Variants in DDR2 observed in about 807,000 individuals in gnomAD.
The protein encoded by DDR2 is discoidin domain receptor tyrosine kinase 2, also known as discoidin domain-containing receptor 2.
A neutral mutation model predicts 94.9 loss-of-function variants in DDR2; 27 were observed. The observed-to-expected ratio is 0.28, with a 90% CI of 0.21 to 0.39. The LOEUF is 0.39. Ranked by LOEUF, DDR2 falls within the 10% of genes least tolerant of loss-of-function variation. The probability of loss-of-function intolerance (pLI) is 1.00; values close to 1 mark genes in which losing one functional copy is unlikely to be tolerated. For missense variants in DDR2, 783 were observed against 1,076.0 expected (o/e 0.73, Z 3.81); for synonymous variants, 382 against 377.2 (o/e 1.01, Z -0.15).
intron 7 of DDR2, 24 bp from the exon 8 acceptor site, chr1:162,759,772 C>G (rs777680640): frequency 6.8e-6 from 11 of 1,613,068 alleles, no homozygotes; most frequent in African/African-American, 1.3e-5. Flanking sequence ...TCTCCTTTTC[C>G]TCCTCTTCTC....
In DDR2 at chr1:162,761,374, A is replaced by G; in HGVS notation, c.1019A>G (p.His340Arg). The G allele has an allele frequency of 6.2e-7, 1 of 1,614,202 alleles. No individual in the cohort carries two copies. Among genetic ancestry groups the G allele is most frequent in the Non-Finnish European group, 8.5e-7 (1 of 1,180,026 alleles). Residue 340 changes from histidine (H) to arginine (R), a missense_variant, in exon 9 of 18, where the codon CAC becomes CGC. Coordinates refer to ENST00000367921, the MANE Select transcript of DDR2 (RefSeq NM_006182.4). The stretch of plus-strand genomic sequence containing the variant: ...CGGTTTGTCACGGTGCCTCTCCACC[A>G]CCGAATGGCCAGTGCCATCAAGTGT... ...SARFVTVPLH[H>R]RMASAIKCQY... is the part of the protein sequence containing the mutation.
At chr1:162,677,161 C>T (rs1659170514) in intron 2 of DDR2, among the ~76,000 whole-genome samples, 1 of 152,088 alleles carries the variant, frequency 6.6e-6, no homozygotes, top group African/African-American at 2.4e-5. Context: ...TACTTGAGAT[C>T]CAAGCCCATG....
chr1:162,747,458 T>TTA (rs1553251006), intron 3 of DDR2, among the ~76,000 whole-genome samples: 2 of 150,598 alleles, frequency 1.3e-5, no homozygotes, highest in Non-Finnish European at 3.0e-5. Context: ...GAAAAAAGAG[T>TTA]AAAAAAAAAT....
At chr1:162,770,621 A>C (rs1414425866) in intron 12 of DDR2, 109 bp downstream of exon 12, 1 of 1,091,130 alleles carries the variant, frequency 9.2e-7, no homozygotes, top group Non-Finnish European at 1.4e-6. Context: ...GTCTCTGCTA[A>C]CCTCCTGAGA....
In DDR2 at chr1:162,781,007, G is replaced by A. The variant is rs939828295; in HGVS notation, c.*761G>A. On this transcript the variant is annotated 3_prime_UTR_variant, in exon 18 of 18. Transcript: ENST00000367921. Reference sequence around the variant, plus strand: ...ATGGAAGGATTCATGAATAGATAATGGACATAGGAAAGGAGGTCAATGGAG... The same window carrying A: ...ATGGAAGGATTCATGAATAGATAATAGACATAGGAAAGGAGGTCAATGGAG... The A allele has an allele frequency of 1.3e-5, 2 of 152,054 alleles. No individual in the cohort carries two copies. Among genetic ancestry groups the A allele is most frequent in the South Asian group, 4.1e-4 (2 of 4,824 alleles). 9.4% of individuals were successfully genotyped at this position (152,054 alleles called of 1,614,324 possible). A position where few individuals can be genotyped will look rare whatever the true frequency, so the allele number is the denominator to read the frequency against.
At chr1:162,644,079 A>AC (rs1283558174) in intron 1 of DDR2, among the ~76,000 whole-genome samples, 28 of 152,196 alleles carry the variant, frequency 1.8e-4, no homozygotes, top group Admixed American at 1.8e-3. Flanking sequence ...TAGTAGGGAC[A>AC]CCTCCAGTTC....
In DDR2 at chr1:162,770,816, C is replaced by T. The variant is rs1664233461; in HGVS notation, c.1504+304C>T. 25 of 420,518 alleles carry T rather than the reference C, an allele frequency of 5.9e-5. 1 individual carries two copies. Among genetic ancestry groups the T allele is most frequent in the South Asian group, 5.3e-4 (25 of 47,038 alleles). 26.0% of individuals were successfully genotyped at this position (420,518 alleles called of 1,614,324 possible). A position where few individuals can be genotyped will look rare whatever the true frequency, so the allele number is the denominator to read the frequency against. On this transcript the variant is annotated intron_variant, in intron 12 of 17. Coordinates refer to ENST00000367921, the MANE Select transcript of DDR2 (RefSeq NM_006182.4). ...ACCTAAACAGTCCAACCAGTCTAAC[C>T]TCATTTTACATGTCGGGAAAGTGAG...
rs1039650727 is a variant in DDR2, at chr1:162,778,479, C to T, written c.2284-101C>T. ...TCTTGGCATTTTCAGAATTCCTTGC[C>T]TGTGGTGGGGGAAGGGGTATAGCTG... On this transcript the variant is annotated intron_variant, in intron 16 of 17. Transcript: ENST00000367921. 3 of 1,434,654 alleles carry T rather than the reference C, an allele frequency of 2.1e-6. No individual in the cohort carries two copies. The African/African-American group carries it at 4.2e-5, about 20-fold the overall frequency. 88.9% of individuals were successfully genotyped at this position (1,434,654 alleles called of 1,614,324 possible). A position where few individuals can be genotyped will look rare whatever the true frequency, so the allele number is the denominator to read the frequency against.
chr1:162,648,265 T>A (rs1028778853), intron 1 of DDR2, among the ~76,000 whole-genome samples: 3 of 151,940 alleles, frequency 2.0e-5, no homozygotes, highest in Non-Finnish European at 2.9e-5. Context: ...ATGCTGCAAA[T>A]TGAATAAGAA....
At chr1:162,690,226 C>T (rs1165649577) in intron 2 of DDR2, among the ~76,000 whole-genome samples, 1 of 152,046 alleles carries the variant, frequency 6.6e-6, no homozygotes, top group Non-Finnish European at 1.5e-5. Context: ...ATGAGGTTCA[C>T]GAATATTACA....
intron 2 of DDR2, among the ~76,000 whole-genome samples, chr1:162,691,655 G>A (rs1455322757): frequency 6.6e-6 from 1 of 152,162 alleles, no homozygotes; most frequent in East Asian, 1.9e-4. Context: ...TGTACCTTTT[G>A]CTGATTTCCA....
intron 2 of DDR2, among the ~76,000 whole-genome samples, chr1:162,676,685 T>C (rs1484426721): frequency 1.3e-5 from 2 of 152,206 alleles, no homozygotes; most frequent in Non-Finnish European, 2.9e-5. Context: ...GCCAAATACT[T>C]TGGGGGAGCC....
intron 8 of DDR2, among the ~76,000 whole-genome samples, chr1:162,760,971 A>T (rs1300437331): frequency 6.7e-6 from 1 of 150,280 alleles, no homozygotes; most frequent in African/African-American, 2.4e-5. Context: ...GAGATTTCTA[A>T]AAAAAAAAAT....
At chr1:162,758,470 T>C (rs1175207797) in intron 7 of DDR2, among the ~76,000 whole-genome samples, 1 of 152,128 alleles carries the variant, frequency 6.6e-6, no homozygotes, top group Admixed American at 6.5e-5. Context: ...TGAACAGGCA[T>C]TCCTTTTAAT....
intron 2 of DDR2, among the ~76,000 whole-genome samples, chr1:162,707,883 C>A (rs549466108): frequency 3.3e-5 from 5 of 152,210 alleles, no homozygotes; most frequent in African/African-American, 1.2e-4. Flanking sequence ...ATAGTGATAC[C>A]ATTTTCTACT....
chr1:162,699,546 C>T (rs532114262), intron 2 of DDR2, among the ~76,000 whole-genome samples: 2 of 152,090 alleles, frequency 1.3e-5, no homozygotes, highest in Non-Finnish European at 2.9e-5. Context: ...GAGGACAGCT[C>T]GAGGCTAAAT....
chr1:162,774,416 C>T (rs1647408656), intron 14 of DDR2, among the ~76,000 whole-genome samples: 1 of 151,524 alleles, frequency 6.6e-6, no homozygotes, highest in South Asian at 2.1e-4. Context: ...TCCAAATTAT[C>T]ATAAATTCCA....
At chr1:162,638,370 A>G (rs1363308840) in intron 1 of DDR2, among the ~76,000 whole-genome samples, 1 of 152,186 alleles carries the variant, frequency 6.6e-6, no homozygotes, top group Non-Finnish European at 1.5e-5. Flanking sequence ...CATGGTCTTC[A>G]TTATTATCAT....
At chr1:162,636,047 A>G (rs1656799430) in intron 1 of DDR2, among the ~76,000 whole-genome samples, 2 of 152,230 alleles carry the variant, frequency 1.3e-5, no homozygotes, top group African/African-American at 4.8e-5. Context: ...TGATCTCTGT[A>G]AATTTTTCTC....
Sources: allele counts gnomAD v4.1 joint callset (sites outside exome capture counted in the v4.1 genomes callset), GRCh38; gene constraint gnomAD v4.1.1; transcripts MANE v1.5; gene names NCBI Gene and HGNC (gene_info 2026-07-23, HGNC 2026-07-21).